IL6R: variants seen among roughly 807,000 people sequenced by gnomAD.
IL6R encodes the protein interleukin 6 receptor.
IL6R carries 38 observed loss-of-function variants against 48.3 expected under a neutral mutation model. That is an observed-to-expected ratio of 0.79 (90% CI 0.61 to 1.03). The LOEUF is 1.03. Ranked by LOEUF, IL6R falls within the 50% of genes least tolerant of loss-of-function variation. IL6R has a pLI of 0.00. For synonymous variants in IL6R, 264 were observed against 256.2 expected (o/e 1.03, Z -0.29); for missense variants, 534 against 618.3 (o/e 0.86, Z 1.45).
intron 1 of IL6R, among the ~76,000 whole-genome samples, chr1:154,406,869 A>C (rs1376281781): frequency 3.9e-5 from 6 of 152,220 alleles, no homozygotes; most frequent in Non-Finnish European, 5.9e-5. Flanking sequence ...AGTAACAGAC[A>C]CTGTTGATTG....
In IL6R at chr1:154,466,204, G is replaced by C. The variant is rs35013949; in HGVS notation, c.*824G>C. On this transcript the variant is annotated 3_prime_UTR_variant, in exon 10 of 10. Transcript: ENST00000368485. ...CCCCTGTAGAGTGGGAGCTGAGTGG[G>C]GGATCACAGCCTCTGAAAACCAATG... 1.3e-5 allele frequency: 2 copies of C among 152,482 alleles called. No individual in the cohort carries two copies. The highest frequency in any genetic ancestry group is 4.2e-4 in the South Asian group (2 of 4,816). The allele number at this position is 152,482 out of a possible 1,614,324, so 9.4% of individuals were successfully genotyped here. A position where few individuals can be genotyped will look rare whatever the true frequency, so the allele number is the denominator to read the frequency against.
At position 154,454,537 on chromosome 1, in the gene IL6R, G is replaced by C. The variant is rs1196755208; in HGVS notation, c.1116G>C (p.Gly372=). The change falls in exon 9 of 10, where the codon GGG becomes GGC. Residue 372 remains glycine (G), a synonymous_variant. Coordinates refer to ENST00000368485, the MANE Select transcript of IL6R (RefSeq NM_000565.4). The part of the protein sequence containing the change: ...VPLPTFLVAG[G]SLAFGTLLCI... ...TGCCCACATTCCTGGTTGCTGGAGG[G>C]AGCCTGGCCTTCGGAACGCTCCTCT... The C allele has an allele frequency of 6.2e-6, 10 of 1,613,838 alleles. No individual in the cohort carries two copies. The highest frequency in any genetic ancestry group is 8.5e-6 in the Non-Finnish European group (10 of 1,179,944).
In IL6R at chr1:154,465,316, C is replaced by T; in HGVS notation, c.1343C>T (p.Pro448Leu). Residue 448 changes from proline (P) to leucine (L), a missense_variant, in exon 10 of 10, where the codon CCA becomes CTA. Physicochemically the swap from Pro to Leu is moderately conservative, Grantham distance 98. Coordinates refer to ENST00000368485, the MANE Select transcript of IL6R (RefSeq NM_000565.4). Reference protein sequence around the residue: ...GSDNTSSHNRPDARDPRSPYD... With the variant: ...GSDNTSSHNRLDARDPRSPYD... ...GACAATACCTCGAGCCACAACCGAC[C>T]AGATGCCAGGGACCCACGGAGCCCT... The T allele has an allele frequency of 6.2e-7, 1 of 1,614,204 alleles. No homozygotes were observed. Among genetic ancestry groups the T allele is most frequent in the East Asian group, 2.2e-5 (1 of 44,874 alleles).
At chr1:154,455,678 T>A (rs1223909420) in intron 9 of IL6R, among the ~76,000 whole-genome samples, 4 of 150,874 alleles carry the variant, frequency 2.7e-5, no homozygotes, top group Non-Finnish European at 5.9e-5. Context: ...GGTCTCGATC[T>A]CCTGACCTCG....
chr1:154,434,824 C>T (rs905600452), intron 4 of IL6R, 124 bp downstream of exon 4: 2 of 1,192,224 alleles, frequency 1.7e-6, no homozygotes, highest in Non-Finnish European at 2.4e-6. Flanking sequence ...GCCTTTTGGG[C>T]GTTGCTTGCC....
intron 9 of IL6R, among the ~76,000 whole-genome samples, chr1:154,463,790 T>C (rs1267061124): frequency 6.6e-6 from 1 of 152,248 alleles, no homozygotes; most frequent in Non-Finnish European, 1.5e-5. Flanking sequence ...TACTGAGCCC[T>C]GGCTTTGGGC....
At position 154,468,063 on chromosome 1, in the gene IL6R, CTTTGT is replaced by C. The variant is rs1381965660; in HGVS notation, c.*2692_*2696del. ...TTTCATTTTTATTGTAATGGAATTG[CTTTGT>C]TTTGTTTTTTTGTTTTTGTATTGAA... On this transcript the variant is annotated 3_prime_UTR_variant, in exon 10 of 10. Transcript: ENST00000368485. 1.3e-5 allele frequency: 2 copies of C among 151,792 alleles called. No individual in the cohort carries two copies. Among genetic ancestry groups the C allele is most frequent in the Non-Finnish European group, 2.9e-5 (2 of 68,016 alleles). 9.4% of individuals were successfully genotyped at this position (151,792 alleles called of 1,614,324 possible). A position where few individuals can be genotyped will look rare whatever the true frequency, so the allele number is the denominator to read the frequency against.
chr1:154,457,811 T>A (rs189559263), intron 9 of IL6R, among the ~76,000 whole-genome samples: 1 of 152,194 alleles, frequency 6.6e-6, no homozygotes, highest in Non-Finnish European at 1.5e-5. Context: ...CCTTTCTACA[T>A]GTAGAGAGCT....
At chr1:154,431,057 C>T (rs1247300068) in intron 3 of IL6R, among the ~76,000 whole-genome samples, 1 of 152,152 alleles carries the variant, frequency 6.6e-6, no homozygotes, top group African/African-American at 2.4e-5. Flanking sequence ...AGACCATTAT[C>T]AGTGTCTGGG....
At chr1:154,442,978 A>T (rs1230821536) in intron 6 of IL6R, among the ~76,000 whole-genome samples, 5 of 152,066 alleles carry the variant, frequency 3.3e-5, no homozygotes, top group Non-Finnish European at 7.4e-5. Context: ...CCTATGTTGC[A>T]CAGGCCTTGA....
chr1:154,411,616 C>T (rs1033158012), intron 1 of IL6R, among the ~76,000 whole-genome samples: 3 of 152,194 alleles, frequency 2.0e-5, no homozygotes, highest in African/African-American at 7.2e-5. Context: ...GAGAAAACAG[C>T]TTTGAGGGCA....
intron 1 of IL6R, among the ~76,000 whole-genome samples, chr1:154,427,448 A>T (rs1168783506): frequency 2.0e-5 from 3 of 152,212 alleles, no homozygotes; most frequent in Admixed American, 2.0e-4. Context: ...GCCTGGCTGC[A>T]CGGTGACAAT....
rs540686020 is a variant in IL6R, at chr1:154,457,766, G to A, written c.1160+3185G>A. On this transcript the variant is annotated intron_variant, in intron 9 of 9. Transcript: ENST00000368485. ...GGTCTTCTAGGCAGTGGTTAATCGC[G>A]ATGATCTACAAGTGGAGGAGACATT... Among the ~76,000 whole-genome samples, 67 of 152,138 alleles carry A rather than the reference G, an allele frequency of 4.4e-4. 1 individual carries two copies. Among genetic ancestry groups the A allele is most frequent in the African/African-American group, 1.6e-3 (66 of 41,510 alleles).
chr1:154,436,540 C>T (rs1032121299), intron 6 of IL6R, among the ~76,000 whole-genome samples: 1 of 152,172 alleles, frequency 6.6e-6, no homozygotes, highest in Non-Finnish European at 1.5e-5. Context: ...TTCAAAAATA[C>T]AGTCAGTTAG....
intron 3 of IL6R, among the ~76,000 whole-genome samples, chr1:154,431,680 A>G (rs1689303504): frequency 6.6e-6 from 1 of 152,168 alleles, no homozygotes; most frequent in African/African-American, 2.4e-5. Flanking sequence ...TGAATGATGT[A>G]GGCATTGTGA....
At chr1:154,457,961 CTTTTTCTT>C (rs1557781020) in intron 9 of IL6R, among the ~76,000 whole-genome samples, 44 of 108,180 alleles carry the variant, frequency 4.1e-4, no homozygotes, top group South Asian at 6.4e-4. Context: ...TTTTCTTTTT[CTTTTTCTT>C]TTTTTTTTTT....
intron 8 of IL6R, among the ~76,000 whole-genome samples, chr1:154,450,965 G>A (rs914770550): frequency 2.0e-5 from 3 of 152,264 alleles, no homozygotes; most frequent in Non-Finnish European, 4.4e-5. Flanking sequence ...GCTCTGCACA[G>A]TTGGGGACTC....
At chr1:154,445,339 G>A (rs1035993025) in intron 6 of IL6R, among the ~76,000 whole-genome samples, 1 of 152,148 alleles carries the variant, frequency 6.6e-6, no homozygotes, top group Non-Finnish European at 1.5e-5. Flanking sequence ...AGAAACCTGA[G>A]CCGCCAGAGG....
intron 8 of IL6R, among the ~76,000 whole-genome samples, chr1:154,451,095 A>T (rs917284662): frequency 2.6e-5 from 4 of 152,252 alleles, no homozygotes; most frequent in African/African-American, 9.6e-5. Context: ...AGGCACAGAT[A>T]AAGCAAAGTG....
Sources: allele counts gnomAD v4.1 joint callset (sites outside exome capture counted in the v4.1 genomes callset), GRCh38; gene constraint gnomAD v4.1.1; transcripts MANE v1.5; gene names NCBI Gene and HGNC (gene_info 2026-07-23, HGNC 2026-07-21).